The following FAM217A variants were observed in gnomAD, a reference collection of about 807,000 sequenced individuals.
FAM217A encodes protein FAM217A.
FAM217A carries 13 observed loss-of-function variants against 18.5 expected under a neutral mutation model. The ratio of observed to expected loss-of-function variants is 0.70; its 90% CI spans 0.46 to 1.12. The LOEUF (loss-of-function observed/expected upper bound fraction) is 1.12, where lower values mean the gene tolerates loss of function less well. Among genes scored for constraint, FAM217A ranks in the 50% most tolerant of loss-of-function variants. The probability of loss-of-function intolerance (pLI) is 0.00; values close to 1 mark genes in which losing one functional copy is unlikely to be tolerated. For missense variants in FAM217A, 560 were observed against 575.4 expected, an observed-to-expected ratio of 0.97 and a Z score of 0.27; for synonymous variants, 161 against 202.8, an observed-to-expected ratio of 0.79 and a Z score of 1.75.
At chr6:4,075,336 A>C (rs1480245597) in intron 2 of FAM217A, among the ~76,000 whole-genome samples, 1 of 152,192 alleles carries the variant, frequency 6.6e-6, no homozygotes, top group Non-Finnish European at 1.5e-5. Flanking sequence ...TCTGTCTCAA[A>C]ATACATACAT....
upstream of FAM217A, among the ~76,000 whole-genome samples, chr6:4,081,798 G>A (rs1038514851): frequency 6.6e-6 from 1 of 152,206 alleles, no homozygotes; most frequent in Non-Finnish European, 1.5e-5. Flanking sequence ...CAAATTATGT[G>A]TGCTTGTGTG....
intron 1 of FAM217A, among the ~76,000 whole-genome samples, chr6:4,077,894 A>G (rs971699332): frequency 1.3e-5 from 2 of 152,090 alleles, no homozygotes; most frequent in African/African-American, 4.8e-5. Context: ...GAGACAACAA[A>G]ATGCCCCCAG....
rs774712961 is a variant in FAM217A, at chr6:4,074,632, T to C, written c.90A>G (p.Glu30=). The change falls in exon 3 of 7, where the codon GAA becomes GAG. Residue 30 remains glutamate (E), a synonymous_variant. Transcript: ENST00000274673. ...ENLSHWNLDS[E]VPVSENKNLP... is the part of the protein sequence containing the mutation. ...GGTTTTTATTTTCAGAAACAGGTAC[T>C]TCTGAATCCAAATTCCAGTGAGATA... is the stretch of plus-strand genomic sequence containing the variant. 11 of 1,613,408 alleles carry C rather than the reference T, an allele frequency of 6.8e-6. 1 individual carries two copies. The highest frequency in any genetic ancestry group is 9.3e-6 in the Non-Finnish European group (11 of 1,179,426).
intron 1 of FAM217A, among the ~76,000 whole-genome samples, chr6:4,085,407 A>G (rs1049182901): frequency 6.6e-6 from 1 of 152,024 alleles, no homozygotes; most frequent in Non-Finnish European, 1.5e-5. Context: ...TCAGATTTCA[A>G]CCAAAGTCAG....
At chr6:4,077,254 AAACGCAGCAAGGGC>A in intron 2 of FAM217A, 87 bp downstream of exon 2, 5 of 1,146,980 alleles carry the variant, frequency 4.4e-6, no homozygotes, top group Non-Finnish European at 6.4e-6. Context: ...CCCACGATGC[AAACGCAGCAAGGGC>A]ATCACTACAA....
chr6:4,068,476 A>G lies in FAM217A; in HGVS notation c.*220T>C. On this transcript the variant is annotated 3_prime_UTR_variant, in exon 7 of 7. Transcript: ENST00000274673. Reference sequence around the variant, plus strand: ...GTGAACCATTTACTTGAAACACAACATGCAAAAGATTGTGAAATATGTCAG... The same window carrying G: ...GTGAACCATTTACTTGAAACACAACGTGCAAAAGATTGTGAAATATGTCAG... 2.3e-6 allele frequency: 1 copy of G among 442,200 alleles called. No individual in the cohort carries two copies. The allele number at this position is 442,200 out of a possible 1,614,324, so 27.4% of individuals were successfully genotyped here. A position where few individuals can be genotyped will look rare whatever the true frequency, so the allele number is the denominator to read the frequency against.
In FAM217A at chr6:4,078,885, T is replaced by C; in HGVS notation, c.-68A>G. 1.8e-6 allele frequency: 1 copy of C among 560,318 alleles called. No individual in the cohort carries two copies. Among genetic ancestry groups the C allele is most frequent in the East Asian group, 3.4e-5 (1 of 28,992 alleles). 34.7% of individuals were successfully genotyped at this position (560,318 alleles called of 1,614,324 possible). A position where few individuals can be genotyped will look rare whatever the true frequency, so the allele number is the denominator to read the frequency against. ...GGCCCACGTGTCCTCCCCGGCGTGCTCTCCCGGTGCGCCGCCCCGAGGCCC... is the reference window on the plus strand; with the variant it reads ...GGCCCACGTGTCCTCCCCGGCGTGCCCTCCCGGTGCGCCGCCCCGAGGCCC... On this transcript the variant is annotated 5_prime_UTR_variant, in exon 1 of 7. Transcript: ENST00000274673.
intron 6 of FAM217A, 29 bp from the exon 7 acceptor site, chr6:4,069,949 G>T: frequency 7.0e-7 from 1 of 1,418,926 alleles, no homozygotes; most frequent in Non-Finnish European, 9.6e-7. Flanking sequence ...TTAATGAATG[G>T]TTTATTGACT....
chr6:4,079,141 C>T (rs1032490425), upstream of FAM217A: 242 of 339,340 alleles, frequency 7.1e-4, 1 homozygote, highest in African/African-American at 4.8e-3. Context: ...CCCCACCGGC[C>T]GGGTCTCCCG....
chr6:4,084,698 ATCT>A (rs1156923620), exon 2 of FAM217A: 2 of 702,906 alleles, frequency 2.8e-6, no homozygotes, highest in African/African-American at 1.7e-5. Context: ...CTTGGAGCTA[ATCT>A]TCTCTCTGTG....
rs377046907 is a variant in FAM217A, at chr6:4,085,311, A to AAAAAT, written c.19-502_19-501insATTTT. On this transcript the variant is annotated intron_variant, in intron 1 of 8. Coordinates refer to the FAM217A transcript ENST00000639338. ...AGAAGTGTTATTCATTGTAAAAAAA[A>AAAAAT]ATATATATATATATATAAAATATGT... Among the ~76,000 whole-genome samples the AAAAAT allele has an allele frequency of 2.0e-3, 296 of 146,436 alleles. 1 individual carries two copies. Among genetic ancestry groups the AAAAAT allele is most frequent in the African/African-American group, 6.6e-3 (265 of 40,302 alleles).
upstream of FAM217A, among the ~76,000 whole-genome samples, chr6:4,082,889 G>T: frequency 6.6e-6 from 1 of 152,136 alleles, no homozygotes; most frequent in East Asian, 1.9e-4. Context: ...TCCTGTCTCA[G>T]CCTCCCAAGT....
In FAM217A at chr6:4,068,883, A is replaced by G. The variant is rs767188381; in HGVS notation, c.1340T>C (p.Ile447Thr). ...CTGATTTTCGGGAAAAGTCAGAGGT[A>G]TAGGTGAAACTGGCATTGGAGACCT... ...PWRSPMPVSP[I>T]PLTFPENQKE... is the part of the protein sequence containing the mutation. The change falls in exon 7 of 7, where the codon ATA (isoleucine) becomes ACA (threonine). Residue 447 changes from isoleucine (I) to threonine (T), a missense_variant. Transcript: ENST00000274673. The G allele has an allele frequency of 1.2e-6, 2 of 1,614,010 alleles. No individual in the cohort carries two copies. Among genetic ancestry groups the G allele is most frequent in the Admixed American group, 1.7e-5 (1 of 60,004 alleles).
In FAM217A at chr6:4,074,727, C is replaced by T. The variant is rs988185679; in HGVS notation, c.61-66G>A. On this transcript the variant is annotated intron_variant, in intron 2 of 6. Transcript: ENST00000274673. ...AAACATAAAAAGCTCAATAATTTCA[C>T]ATGTTCTTGGGGTAAAGTATGACGA... 4.1e-6 allele frequency: 5 copies of T among 1,224,444 alleles called. No homozygotes were observed. The South Asian group carries it at 6.2e-5, about 15-fold the overall frequency. 75.8% of individuals were successfully genotyped at this position (1,224,444 alleles called of 1,614,324 possible). A position where few individuals can be genotyped will look rare whatever the true frequency, so the allele number is the denominator to read the frequency against.
intron 2 of FAM217A, among the ~76,000 whole-genome samples, chr6:4,076,410 C>T (rs1280667632): frequency 1.3e-5 from 2 of 151,762 alleles, no homozygotes; most frequent in East Asian, 1.9e-4. Context: ...GTTCACAGCA[C>T]GATGACTGGG....
At chr6:4,071,673 G>A (rs1355561232) in intron 6 of FAM217A, among the ~76,000 whole-genome samples, 4 of 152,132 alleles carry the variant, frequency 2.6e-5, no homozygotes, top group Non-Finnish European at 5.9e-5. Flanking sequence ...TTTCCCAGCT[G>A]AGGTTTTTTC....
intron 2 of FAM217A, 149 bp downstream of exon 2, chr6:4,077,206 G>A (rs1267391127): frequency 6.0e-6 from 4 of 670,678 alleles, no homozygotes; most frequent in Non-Finnish European, 1.0e-5. Context: ...TCCATTTGCT[G>A]TTCCAAATGT....
upstream of FAM217A, chr6:4,079,820 C>G: frequency 2.9e-6 from 1 of 340,294 alleles, no homozygotes. Flanking sequence ...TCAGGTCCGT[C>G]GTCGGCCTTT....
chr6:4,084,148 CT>C (rs1162464572), intron 2 of FAM217A, among the ~76,000 whole-genome samples: 1 of 151,926 alleles, frequency 6.6e-6, no homozygotes, highest in African/African-American at 2.4e-5. Context: ...TGTATAATTC[CT>C]TTTTAAGAAA....
Sources: gnomAD v4.1 joint callset for allele counts (sites outside exome capture counted in the v4.1 genomes callset) on GRCh38, gnomAD v4.1.1 for gene constraint, MANE v1.5 for transcripts, NCBI Gene and HGNC (gene_info 2026-07-23, HGNC 2026-07-21) for gene names.